The following KSR1 variants were observed in gnomAD, a reference collection of about 807,000 sequenced individuals.
KSR1 encodes the protein kinase suppressor of ras 1, also known as kinase suppressor of ras.
Under a neutral mutation model 92.9 loss-of-function variants are expected in KSR1, and 35 were observed. The ratio of observed to expected loss-of-function variants is 0.38; its 90% confidence interval spans 0.29 to 0.50. KSR1 has a LOEUF of 0.50. Among genes scored for constraint, KSR1 ranks in the 20% least tolerant of loss-of-function variants. The pLI is 0.94. For missense variants in KSR1, 972 were observed against 1,158.5 expected, an observed-to-expected ratio of 0.84 and a Z score of 2.34; for synonymous variants, 467 against 472.6, an observed-to-expected ratio of 0.99 and a Z score of 0.15.
intron 2 of KSR1, chr17:27,560,210 T>C: frequency 3.0e-6 from 1 of 338,672 alleles, no homozygotes; most frequent in Non-Finnish European, 5.7e-6. Flanking sequence ...TCTAAAAGTC[T>C]CAGCTTCATA....
intron 2 of KSR1, among the ~76,000 whole-genome samples, chr17:27,571,011 G>A (rs2072284004): frequency 6.6e-6 from 1 of 152,238 alleles, no homozygotes; most frequent in South Asian, 2.1e-4. Flanking sequence ...AGCCCAAAGA[G>A]GGGCGGGGAC....
rs376516509 is a variant in KSR1, at chr17:27,623,467, G to A, written c.*75G>A. 2.5e-5 allele frequency: 18 copies of A among 707,338 alleles called. No individual in the cohort carries two copies. Among genetic ancestry groups the A allele is most frequent in the Admixed American group, 4.0e-5 (2 of 49,908 alleles). The allele number at this position is 707,338 out of a possible 1,614,324, so 43.8% of individuals were successfully genotyped here. On this transcript the variant is annotated 3_prime_UTR_variant, in exon 21 of 21. Transcript: ENST00000644974. Reference sequence around the variant, plus strand: ...TCTGAAACATCCCAACAACCACCACGACAAAAAAACACTGCCTGCCCAGCG... The same window carrying A: ...TCTGAAACATCCCAACAACCACCACAACAAAAAAACACTGCCTGCCCAGCG...
At chr17:27,587,892 T>G (rs145884691) in intron 5 of KSR1, among the ~76,000 whole-genome samples, 2,196 of 152,236 alleles carry the variant, frequency 0.014, 52 homozygotes, top group South Asian at 0.11. Context: ...TGTACCTGGG[T>G]GGGGCTGGCC....
Position 27,607,015 on chromosome 17 carries a change from A to G in KSR1, c.1995-899A>G, listed in dbSNP as rs188205738. ...CCTCGCTAATTTTTATATTTTCAGT[A>G]AAGATGAGGTTTCACCGTGTTGGCC... On this transcript the variant is annotated intron_variant, in intron 14 of 20. Coordinates refer to ENST00000644974, the MANE Select transcript of KSR1 (RefSeq NM_001394583.1). 2.0e-4 allele frequency among the ~76,000 whole-genome samples: 30 copies of G among 152,148 alleles called. No homozygotes were observed. The East Asian group carries it at 5.6e-3, about 28-fold the overall frequency.
intron 2 of KSR1, among the ~76,000 whole-genome samples, chr17:27,554,400 A>G (rs576228254): frequency 6.6e-6 from 1 of 152,338 alleles, no homozygotes; most frequent in Non-Finnish European, 1.5e-5. Flanking sequence ...GCCACACAGC[A>G]GGAGGAACGT....
chr17:27,583,307 G>A (rs548676739), intron 4 of KSR1, among the ~76,000 whole-genome samples: 26 of 152,346 alleles, frequency 1.7e-4, no homozygotes, highest in African/African-American at 5.5e-4. Flanking sequence ...GTATGTACAC[G>A]TACATGCACA....
intron 1 of KSR1, among the ~76,000 whole-genome samples, chr17:27,547,128 C>T (rs892601744): frequency 4.6e-5 from 7 of 152,202 alleles, no homozygotes; most frequent in Admixed American, 6.5e-5. Flanking sequence ...GAGCAGGGGC[C>T]ATGGGAGAGG....
intron 1 of KSR1, among the ~76,000 whole-genome samples, chr17:27,498,296 C>T (rs1261090040): frequency 6.7e-6 from 1 of 149,174 alleles, no homozygotes; most frequent in East Asian, 2.0e-4. Context: ...CGAGATTGCA[C>T]CACTGCACTC....
At chr17:27,498,165 A>G (rs750120836) in intron 1 of KSR1, among the ~76,000 whole-genome samples, 3 of 151,964 alleles carry the variant, frequency 2.0e-5, no homozygotes, top group African/African-American at 4.8e-5. Flanking sequence ...CCCCGTCTCT[A>G]CTGAAAATAC....
intron 3 of KSR1, among the ~76,000 whole-genome samples, chr17:27,580,626 G>T (rs1304864166): frequency 6.6e-6 from 1 of 152,120 alleles, no homozygotes; most frequent in African/African-American, 2.4e-5. Context: ...TAGCTCTCTG[G>T]CCTTGGGCAG....
intron 1 of KSR1, among the ~76,000 whole-genome samples, chr17:27,466,194 A>G (rs1032609462): frequency 2.3e-4 from 35 of 152,204 alleles, no homozygotes; most frequent in Admixed American, 2.6e-4. Flanking sequence ...GAGACAAGAA[A>G]CTGTTGGCTC....
At chr17:27,526,965 G>A (rs1213169931) in intron 1 of KSR1, 3 of 579,966 alleles carry the variant, frequency 5.2e-6, no homozygotes, top group East Asian at 3.0e-5. Context: ...CCTTTCATGG[G>A]CCATAATTGT....
intron 18 of KSR1, 65 bp from the exon 19 acceptor site, chr17:27,617,230 C>A: frequency 6.5e-7 from 1 of 1,537,096 alleles, no homozygotes; most frequent in Non-Finnish European, 8.8e-7. Flanking sequence ...TTGTGGAGCA[C>A]CCCTACTGTG....
intron 20 of KSR1, chr17:27,621,943 T>C: frequency 6.2e-7 from 1 of 1,613,526 alleles, no homozygotes; most frequent in Non-Finnish European, 8.5e-7. Flanking sequence ...TAGGCCTGGC[T>C]GCCTTGCATG....
chr17:27,602,635 C>A (rs1430215574), intron 11 of KSR1, among the ~76,000 whole-genome samples: 1 of 152,250 alleles, frequency 6.6e-6, no homozygotes, highest in Non-Finnish European at 1.5e-5. Flanking sequence ...ACTCTTACTA[C>A]TTCCCTCATG....
intron 14 of KSR1, among the ~76,000 whole-genome samples, chr17:27,606,830 GTAAT>G (rs1241099569): frequency 6.6e-6 from 1 of 151,922 alleles, no homozygotes; most frequent in East Asian, 1.9e-4. Flanking sequence ...AACAAAACAG[GTAAT>G]TAATTAATGA....
intron 15 of KSR1, among the ~76,000 whole-genome samples, chr17:27,608,684 G>A (rs2073831312): frequency 6.6e-6 from 1 of 152,148 alleles, no homozygotes; most frequent in African/African-American, 2.4e-5. Flanking sequence ...TCTTAGTCCA[G>A]GGCTCCTTCT....
intron 3 of KSR1, chr17:27,578,904 G>A (rs1212475730): frequency 6.6e-6 from 1 of 152,088 alleles, no homozygotes; most frequent in Non-Finnish European, 1.5e-5. Context: ...TCGCTTTGTA[G>A]CTGAGGCCTC....
At chr17:27,479,469 C>A (rs909634591) in intron 1 of KSR1, among the ~76,000 whole-genome samples, 1 of 152,212 alleles carries the variant, frequency 6.6e-6, no homozygotes, top group Non-Finnish European at 1.5e-5. Flanking sequence ...TCTCTTTGCT[C>A]TTCCTTTTGT....
Sources: gnomAD v4.1 joint callset for allele counts (sites outside exome capture counted in the v4.1 genomes callset) on GRCh38, gnomAD v4.1.1 for gene constraint, MANE v1.5 for transcripts, NCBI Gene and HGNC (gene_info 2026-07-23, HGNC 2026-07-21) for gene names.